The following EXOC4 variants were observed in gnomAD, a reference collection of about 807,000 sequenced individuals.
The protein encoded by EXOC4 is exocyst complex component 4, also known as SEC8-like 1.
In EXOC4, 71 loss-of-function variants were observed where a neutral mutation model predicts 107.2. The observed-to-expected ratio is 0.66, with a 90% CI of 0.55 to 0.81. The LOEUF (loss-of-function observed/expected upper bound fraction) is 0.81. EXOC4 is among the 30% of genes least tolerant of loss of function. The pLI is 0.00. For synonymous variants in EXOC4, 456 were observed against 441.2 expected (o/e 1.03, Z -0.42); for missense variants, 1,108 against 1,189.6 (o/e 0.93, Z 1.01).
intron 10 of EXOC4, among the ~76,000 whole-genome samples, chr7:133,793,819 G>A (rs1796755116): frequency 6.6e-6 from 1 of 150,632 alleles, no homozygotes; most frequent in African/African-American, 2.4e-5. Flanking sequence ...ACTACAACCT[G>A]GGGACAGAGG....
chr7:133,802,633 C>T (rs1327355570), intron 10 of EXOC4, among the ~76,000 whole-genome samples: 2 of 151,742 alleles, frequency 1.3e-5, no homozygotes, highest in African/African-American at 4.8e-5. Context: ...CTGAGGCAGG[C>T]GGATCACCCA....
At chr7:133,442,798 A>G (rs1798132909) in intron 7 of EXOC4, among the ~76,000 whole-genome samples, 1 of 152,246 alleles carries the variant, frequency 6.6e-6, no homozygotes. Context: ...AAGATGACCA[A>G]GGAATCAGTT....
At chr7:133,595,441 A>G (rs1189321309) in intron 9 of EXOC4, among the ~76,000 whole-genome samples, 2 of 152,174 alleles carry the variant, frequency 1.3e-5, no homozygotes, top group African/African-American at 2.4e-5. Flanking sequence ...ACAAATGTCT[A>G]TTTTGCATAC....
intron 17 of EXOC4, among the ~76,000 whole-genome samples, chr7:134,008,896 A>G (rs950923848): frequency 6.6e-6 from 1 of 152,120 alleles, no homozygotes; most frequent in Admixed American, 6.6e-5. Flanking sequence ...CTCCAAAAGC[A>G]CTGGAATTAT....
chr7:133,489,126 A>G (rs1584955002), intron 9 of EXOC4, among the ~76,000 whole-genome samples: 1 of 151,926 alleles, frequency 6.6e-6, no homozygotes, highest in East Asian at 1.9e-4. Context: ...GTGTGATAAA[A>G]AAATGAAGAA....
intron 7 of EXOC4, among the ~76,000 whole-genome samples, chr7:133,464,657 T>C (rs1055188771): frequency 6.6e-6 from 1 of 152,036 alleles, no homozygotes; most frequent in Non-Finnish European, 1.5e-5. Context: ...TCAAGGAGAC[T>C]GAGAAAGACT....
At chr7:133,730,568 C>T (rs769160739) in intron 10 of EXOC4, among the ~76,000 whole-genome samples, 7 of 152,054 alleles carry the variant, frequency 4.6e-5, no homozygotes, top group East Asian at 1.9e-4. Context: ...ATTTCACATT[C>T]GCTTTGGGAT....
intron 6 of EXOC4, among the ~76,000 whole-genome samples, chr7:133,369,908 G>A (rs575157308): frequency 6.7e-6 from 1 of 149,926 alleles, no homozygotes; most frequent in South Asian, 2.1e-4. Flanking sequence ...GGGTTCAAGC[G>A]ATTCTTCTGC....
chr7:133,753,168 G>T (rs1226982970), intron 10 of EXOC4, among the ~76,000 whole-genome samples: 1 of 152,174 alleles, frequency 6.6e-6, no homozygotes, highest in Non-Finnish European at 1.5e-5. Context: ...TATGTTCTGT[G>T]CCTTTTCAGC....
chr7:133,375,085 T>C, intron 7 of EXOC4, 83 bp downstream of exon 7: 1 of 1,106,628 alleles, frequency 9.0e-7, no homozygotes, highest in Non-Finnish European at 1.3e-6. Flanking sequence ...ACAAGCCACC[T>C]AAAACACTAT....
chr7:133,761,467 A>T (rs1796030847), intron 10 of EXOC4, among the ~76,000 whole-genome samples: 1 of 152,178 alleles, frequency 6.6e-6, no homozygotes, highest in African/African-American at 2.4e-5. Flanking sequence ...GTATTCTCCA[A>T]TTGTCAGTGT....
At chr7:134,055,530 A>G (rs1413989260) in intron 17 of EXOC4, among the ~76,000 whole-genome samples, 3 of 152,192 alleles carry the variant, frequency 2.0e-5, no homozygotes, top group South Asian at 2.1e-4. Flanking sequence ...CATGAAGTCC[A>G]TTCCTGTTCC....
chr7:133,563,777 T>C (rs1192833461), intron 9 of EXOC4, among the ~76,000 whole-genome samples: 1 of 152,260 alleles, frequency 6.6e-6, no homozygotes, highest in East Asian at 1.9e-4. Flanking sequence ...AATTCAAATA[T>C]ACGTGCTTAT....
At chr7:133,712,367 A>T (rs1432899490) in intron 10 of EXOC4, among the ~76,000 whole-genome samples, 1 of 139,308 alleles carries the variant, frequency 7.2e-6, no homozygotes, top group Non-Finnish European at 1.5e-5. Context: ...TGAACCCAGG[A>T]GGCAGAGGTT....
At chr7:133,734,449 G>A (rs983539457) in intron 10 of EXOC4, among the ~76,000 whole-genome samples, 7 of 120,430 alleles carry the variant, frequency 5.8e-5, no homozygotes, top group East Asian at 2.4e-4. Context: ...TTTTTTTTTC[G>A]AGATGGTTAT....
chr7:133,566,715 A>G (rs1393502555), intron 9 of EXOC4, among the ~76,000 whole-genome samples: 2 of 152,192 alleles, frequency 1.3e-5, no homozygotes, highest in Non-Finnish European at 2.9e-5. Context: ...TTTATCCTTA[A>G]TGTCTAAAAC....
intron 10 of EXOC4, among the ~76,000 whole-genome samples, chr7:133,657,717 G>A (rs975687181): frequency 5.9e-5 from 9 of 152,110 alleles, no homozygotes; most frequent in African/African-American, 1.9e-4. Flanking sequence ...GGTATGCATG[G>A]TTTTTGCTCT....
chr7:133,965,847 T>C (rs548679836), intron 14 of EXOC4, among the ~76,000 whole-genome samples: 34 of 152,336 alleles, frequency 2.2e-4, no homozygotes, highest in South Asian at 4.1e-4. Flanking sequence ...AGTAGTTTTT[T>C]CTAATTCCAT....
At chr7:133,536,397 A>C (rs889733014) in intron 9 of EXOC4, among the ~76,000 whole-genome samples, 13 of 152,104 alleles carry the variant, frequency 8.5e-5, no homozygotes, top group African/African-American at 3.1e-4. Context: ...GATCACGTAC[A>C]TCCACTTTGA....
Sources: allele counts gnomAD v4.1 joint callset (sites outside exome capture counted in the v4.1 genomes callset), GRCh38; gene constraint gnomAD v4.1.1; transcripts MANE v1.5; gene names NCBI Gene and HGNC (gene_info 2026-07-23, HGNC 2026-07-21).